PCDHGA11: variants seen among roughly 807,000 people sequenced by gnomAD.
PCDHGA11 encodes the protein protocadherin gamma subfamily A, 11, also known as protocadherin gamma-A11.
Under a neutral mutation model 60.4 loss-of-function variants are expected in PCDHGA11, and 39 were observed. The ratio of observed to expected loss-of-function variants is 0.65; its 90% CI spans 0.50 to 0.84. The LOEUF is 0.84. Among genes scored for constraint, PCDHGA11 ranks in the 40% least tolerant of loss-of-function variants. The pLI is 0.00. For synonymous variants in PCDHGA11, 533 were observed against 510.3 expected, an observed-to-expected ratio of 1.04 and a Z score of -0.60; for missense variants, 1,165 against 1,197.7, an observed-to-expected ratio of 0.97 and a Z score of 0.40.
At position 141,431,965 on chromosome 5, in the gene PCDHGA11, T is replaced by G. The variant is rs765281339; in HGVS notation, c.2433+8305T>G. ...TAGAAAAATCTTACGGAAATTACTATAGTTTAGTCACAGACATAGTCTTGG... is the reference window on the plus strand; with the variant it reads ...TAGAAAAATCTTACGGAAATTACTAGAGTTTAGTCACAGACATAGTCTTGG... On this transcript the variant is annotated intron_variant, in intron 1 of 3. Coordinates refer to ENST00000398587, the MANE Select transcript of PCDHGA11 (RefSeq NM_018914.3). This position sits in a 1 kb window ranked among gnomAD's most constrained non-coding sequence, Gnocchi z 4.8. The G allele has an allele frequency of 1.2e-6, 2 of 1,614,216 alleles. No individual in the cohort carries two copies. Among genetic ancestry groups the G allele is most frequent in the East Asian group, 4.5e-5 (2 of 44,892 alleles).
At chr5:141,504,671 G>C (rs1459848730) in intron 2 of PCDHGA11, among the ~76,000 whole-genome samples, 1 of 111,068 alleles carries the variant, frequency 9.0e-6, no homozygotes, top group East Asian at 3.2e-4. Context: ...GGGGGGTGGG[G>C]GTTCTTGTAA....
rs753281558 is a variant in PCDHGA11 at position 141,422,116 on chromosome 5, T to A, written c.889T>A (p.Ser297Thr). The change falls in exon 1 of 4, where the codon TCA becomes ACA. Residue 297 changes from serine (S) to threonine (T), a missense_variant. Transcript: ENST00000398587. The part of the protein sequence containing the change: ...SKASEIFQLD[S>T]QTGEVQVRGS... ...GGCTTCTGAAATATTCCAATTGGATTCACAAACTGGAGAAGTTCAAGTACG... is the reference window on the plus strand; with the variant it reads ...GGCTTCTGAAATATTCCAATTGGATACACAAACTGGAGAAGTTCAAGTACG... 2.5e-6 allele frequency: 4 copies of A among 1,604,730 alleles called. No individual in the cohort carries two copies. The highest frequency in any genetic ancestry group is 3.4e-6 in the Non-Finnish European group (4 of 1,177,124).
Position 141,450,006 on chromosome 5 carries a change from C to CTATTTTTT in PCDHGA11, c.2433+26347_2433+26348insATTTTTTT, listed in dbSNP as rs70988802. Among the ~76,000 whole-genome samples the CTATTTTTT allele has an allele frequency of 4.4e-4, 58 of 132,942 alleles. 2 individuals carry two copies. The highest frequency in any genetic ancestry group is 8.4e-4 in the African/African-American group (30 of 35,608). The allele number at this position is 132,942 out of a possible 152,430, so 87.2% of individuals were successfully genotyped here. A position where few individuals can be genotyped will look rare whatever the true frequency, so the allele number is the denominator to read the frequency against. ...CACATTGCATTTAGTTGCCATGTCT[C>CTATTTTTT]TTTTTTTTTTTTTTTTTTGAGACAG... On this transcript the variant is annotated intron_variant, in intron 1 of 3. Coordinates refer to ENST00000398587, the MANE Select transcript of PCDHGA11 (RefSeq NM_018914.3).
At chr5:141,439,947 T>C (rs2098140958) in intron 1 of PCDHGA11, 1 of 152,516 alleles carries the variant, frequency 6.6e-6, no homozygotes, top group Non-Finnish European at 1.5e-5. Flanking sequence ...TTCTCTATGA[T>C]GCAGATCCGT....
At chr5:141,439,631 A>G (rs1459977985) in intron 1 of PCDHGA11, among the ~76,000 whole-genome samples, 2 of 152,214 alleles carry the variant, frequency 1.3e-5, no homozygotes, top group African/African-American at 2.4e-5. Context: ...ATCCCCAGAC[A>G]TTCCGGCTTG....
At chr5:141,506,103 C>T (rs1001709380) in intron 3 of PCDHGA11, among the ~76,000 whole-genome samples, 2 of 152,144 alleles carry the variant, frequency 1.3e-5, no homozygotes, top group Admixed American at 1.3e-4. Context: ...GTGGTTGTCC[C>T]TGAAGAGTCA....
intron 1 of PCDHGA11, among the ~76,000 whole-genome samples, chr5:141,438,340 G>A (rs1348587719): frequency 6.6e-6 from 1 of 151,522 alleles, no homozygotes; most frequent in Non-Finnish European, 1.5e-5. Flanking sequence ...TGTCATATAA[G>A]GATCTACTCT....
chr5:141,488,815 T>A (rs769851687), intron 1 of PCDHGA11, among the ~76,000 whole-genome samples: 30 of 152,144 alleles, frequency 2.0e-4, no homozygotes, highest in Non-Finnish European at 4.1e-4. Context: ...ATCTGAGCTG[T>A]CAAACTTTGC....
chr5:141,497,473 AGGT>A (rs2099776769), intron 2 of PCDHGA11, among the ~76,000 whole-genome samples: 1 of 151,750 alleles, frequency 6.6e-6, no homozygotes. Flanking sequence ...ATGGAGGAGA[AGGT>A]GCGGAACCTC....
In PCDHGA11 at chr5:141,476,978, C is replaced by G; in HGVS notation, c.2434-17829C>G. 1.2e-6 allele frequency: 2 copies of G among 1,614,256 alleles called. No individual in the cohort carries two copies. Among genetic ancestry groups the G allele is most frequent in the Non-Finnish European group, 1.7e-6 (2 of 1,180,058 alleles). Reference sequence around the variant, plus strand: ...TATTTACTCCTTCGGCAGCCACAACCGCGCCGGCGTGCGGCAACTATTCGC... The same window carrying G: ...TATTTACTCCTTCGGCAGCCACAACGGCGCCGGCGTGCGGCAACTATTCGC... On this transcript the variant is annotated intron_variant, in intron 1 of 3. Transcript: ENST00000398587. This position sits in a 1 kb window ranked among gnomAD's most constrained non-coding sequence, Gnocchi z 7.6.
chr5:141,506,277 T>C (rs905595521), intron 3 of PCDHGA11, among the ~76,000 whole-genome samples: 1 of 152,050 alleles, frequency 6.6e-6, no homozygotes. Flanking sequence ...AGTGAAACCC[T>C]GTCTCTACTA....
At chr5:141,428,187 C>A in intron 1 of PCDHGA11, 1 of 1,439,502 alleles carries the variant, frequency 6.9e-7, no homozygotes, top group Non-Finnish European at 9.6e-7. Flanking sequence ...GGACAGCCGC[C>A]GCTCTCTGCG....
intron 3 of PCDHGA11, among the ~76,000 whole-genome samples, chr5:141,509,801 T>C (rs556629445): frequency 2.6e-5 from 4 of 152,140 alleles, no homozygotes; most frequent in South Asian, 2.1e-4. Flanking sequence ...CTCAGCTTCA[T>C]AGAGCCGAGC....
At chr5:141,456,214 G>C (rs552287407) in intron 1 of PCDHGA11, among the ~76,000 whole-genome samples, 8 of 152,136 alleles carry the variant, frequency 5.3e-5, no homozygotes, top group Non-Finnish European at 7.4e-5. Context: ...CCTCCCTGTG[G>C]CGATATCAAA....
At position 141,490,646 on chromosome 5, in the gene PCDHGA11, C is replaced by G. The variant is rs202183643; in HGVS notation, c.2434-4161C>G. The G allele has an allele frequency of 8.7e-6, 14 of 1,614,068 alleles. No homozygotes were observed. In the African/African-American group the frequency reaches 1.7e-4, roughly 20 times the overall value. ...GCTTACATCCTAGAAAACCGGCCTC[C>G]GGGCTCCCTTCTTTGCACTGTGGCT... On this transcript the variant is annotated intron_variant, in intron 1 of 3. Coordinates refer to ENST00000398587, the MANE Select transcript of PCDHGA11 (RefSeq NM_018914.3). This position sits in a 1 kb window ranked among gnomAD's most constrained non-coding sequence, Gnocchi z 5.4.
At chr5:141,492,974 C>G (rs1479838959) in intron 1 of PCDHGA11, among the ~76,000 whole-genome samples, 1 of 152,244 alleles carries the variant, frequency 6.6e-6, no homozygotes, top group Non-Finnish European at 1.5e-5. Flanking sequence ...CTAACAAGTC[C>G]TGTCTCCTCT....
intron 1 of PCDHGA11, chr5:141,427,729 A>G (rs1176707357): frequency 8.5e-7 from 1 of 1,170,166 alleles, no homozygotes; most frequent in African/African-American, 1.5e-5. Context: ...CTAGGGCTGA[A>G]TGGCCAAGTC....
intron 2 of PCDHGA11, among the ~76,000 whole-genome samples, chr5:141,501,092 C>A: frequency 6.6e-6 from 1 of 152,118 alleles, no homozygotes; most frequent in East Asian, 1.9e-4. Flanking sequence ...TGGTCTCAAT[C>A]TCTTGACCTC....
rs745334496 is a variant in PCDHGA11 at position 141,478,302 on chromosome 5, C to A, written c.2434-16505C>A. 47 of 1,613,952 alleles carry A rather than the reference C, an allele frequency of 2.9e-5. 1 individual carries two copies. In the Admixed American group the frequency reaches 7.0e-4, roughly 24 times the overall value. On this transcript the variant is annotated intron_variant, in intron 1 of 3. Transcript: ENST00000398587. ...AAGCAGTCTAGAGACCTATACCGAGCCCCGGTGAGCTCACTGTACCGAACA... is the reference window on the plus strand; with the variant it reads ...AAGCAGTCTAGAGACCTATACCGAGACCCGGTGAGCTCACTGTACCGAACA...
Sources: allele counts gnomAD v4.1 joint callset (sites outside exome capture counted in the v4.1 genomes callset), GRCh38; gene constraint gnomAD v4.1.1; non-coding constraint Gnocchi (gnomAD v3.1); transcripts MANE v1.5; gene names NCBI Gene and HGNC (gene_info 2026-07-23, HGNC 2026-07-21).